PPHLN1: variants seen among roughly 807,000 people sequenced by gnomAD.
PPHLN1 encodes periphilin 1.
PPHLN1 carries 29 observed loss-of-function variants against 51.3 expected under a neutral mutation model. The observed-to-expected ratio is 0.57, with a 90% CI of 0.42 to 0.77. The LOEUF (loss-of-function observed/expected upper bound fraction) is 0.77. Among genes scored for constraint, PPHLN1 ranks in the 30% least tolerant of loss-of-function variants. The probability of loss-of-function intolerance (pLI) is 0.00; values close to 1 mark genes in which losing one functional copy is unlikely to be tolerated. For missense variants in PPHLN1, 436 were observed against 438.4 expected, an observed-to-expected ratio of 0.99 and a Z score of 0.05; for synonymous variants, 147 against 147.8, an observed-to-expected ratio of 0.99 and a Z score of 0.04.
intron 9 of PPHLN1, among the ~76,000 whole-genome samples, chr12:42,435,879 T>C (rs2082435647): frequency 6.6e-6 from 1 of 152,228 alleles, no homozygotes; most frequent in South Asian, 2.1e-4. Context: ...CTCTGCTAAA[T>C]AGAATTGTCT....
chr12:42,416,801 A>G (rs544587857), intron 9 of PPHLN1, among the ~76,000 whole-genome samples: 1 of 152,302 alleles, frequency 6.6e-6, no homozygotes, highest in East Asian at 1.9e-4. Context: ...GATTATATAG[A>G]TTGTATTTTA....
At chr12:42,332,129 A>G (rs2069847448) in intron 1 of PPHLN1, among the ~76,000 whole-genome samples, 1 of 152,142 alleles carries the variant, frequency 6.6e-6, no homozygotes, top group South Asian at 2.1e-4. Context: ...ACTTGAGCCC[A>G]GGAGGTCAAG....
At chr12:42,332,441 AGACTT>A (rs2137708788) in intron 1 of PPHLN1, among the ~76,000 whole-genome samples, 1 of 152,324 alleles carries the variant, frequency 6.6e-6, no homozygotes, top group South Asian at 2.1e-4. Context: ...ATTCTAGACT[AGACTT>A]CTAGGACTAG....
downstream of PPHLN1, chr12:42,446,761 G>A (rs553440340): frequency 6.2e-5 from 67 of 1,079,750 alleles, no homozygotes; most frequent in East Asian, 3.4e-4. Context: ...TTGGAAGGTC[G>A]GGAGGTTTTC....
chr12:42,409,349 G>C lies in PPHLN1; in HGVS notation c.909+10355G>C, dbSNP rs558067821. On this transcript the variant is annotated intron_variant, in intron 9 of 9. Transcript: ENST00000358314. The stretch of plus-strand genomic sequence containing the variant: ...AGATACTGGAGAACTGAAATGTGCA[G>C]GTTGGTGATAATATGCTGTTATATT... Among the ~76,000 whole-genome samples, 4 of 152,248 alleles carry C rather than the reference G, an allele frequency of 2.6e-5. No homozygotes were observed. In the South Asian group the frequency reaches 8.3e-4, roughly 32 times the overall value.
Position 42,435,648 on chromosome 12 carries a change from T to C in PPHLN1, c.910-5667T>C, listed in dbSNP as rs1180187094. Reference sequence around the variant, plus strand: ...TGGTTCCTTGTATATTACGCCCCAATTGGAGTTTCTTTTTTTTAACTTATT... The same window carrying C: ...TGGTTCCTTGTATATTACGCCCCAACTGGAGTTTCTTTTTTTTAACTTATT... On this transcript the variant is annotated intron_variant, in intron 9 of 9. Coordinates refer to ENST00000358314, the MANE Select transcript of PPHLN1 (RefSeq NM_201439.2). 2.0e-5 allele frequency among the ~76,000 whole-genome samples: 3 copies of C among 152,160 alleles called. 1 individual carries two copies. The highest frequency in any genetic ancestry group is 1.3e-4 in the Admixed American group (2 of 15,272).
intron 2 of PPHLN1, among the ~76,000 whole-genome samples, chr12:42,350,946 C>G (rs1179541406): frequency 2.0e-5 from 3 of 151,084 alleles, no homozygotes; most frequent in African/African-American, 7.4e-5. Context: ...CAGAGGGAGA[C>G]CCTGGAAAGC....
chr12:42,444,649 AC>A (rs1026991553), downstream of PPHLN1: 1 of 177,686 alleles, frequency 5.6e-6, no homozygotes, highest in Non-Finnish European at 1.2e-5. Flanking sequence ...CTAGGTTATG[AC>A]CCTGATGTCA....
chr12:42,329,120 G>A (rs1353681696), intron 1 of PPHLN1, among the ~76,000 whole-genome samples: 1 of 141,968 alleles, frequency 7.0e-6, no homozygotes, highest in Non-Finnish European at 1.5e-5. Context: ...GTGTGTGTGT[G>A]TGACGGAGTC....
chr12:42,340,051 A>G (rs1477887882), intron 2 of PPHLN1, among the ~76,000 whole-genome samples: 1 of 152,226 alleles, frequency 6.6e-6, no homozygotes, highest in African/African-American at 2.4e-5. Flanking sequence ...TCTTGCCTAT[A>G]ATCTGAGCAC....
At chr12:42,328,287 G>A (rs1237993211) in intron 1 of PPHLN1, among the ~76,000 whole-genome samples, 1 of 152,182 alleles carries the variant, frequency 6.6e-6, no homozygotes, top group African/African-American at 2.4e-5. Flanking sequence ...TGCTTTTGGA[G>A]AGAATAGAAG....
chr12:42,386,337 C>T (rs562305026), intron 6 of PPHLN1, among the ~76,000 whole-genome samples: 1 of 152,322 alleles, frequency 6.6e-6, no homozygotes, highest in East Asian at 1.9e-4. Context: ...TTAAGAACCA[C>T]TGGGCTAGAG....
chr12:42,393,238 A>G lies in PPHLN1; in HGVS notation c.649-332A>G, dbSNP rs148488582. On this transcript the variant is annotated intron_variant, in intron 7 of 9. Coordinates refer to ENST00000358314, the MANE Select transcript of PPHLN1 (RefSeq NM_201439.2). ...TTTCATTAAATATGCTTAAAGGCAC[A>G]AAGTTGAAATCAGTATGATGTCTTT... is the stretch of plus-strand genomic sequence containing the variant. Among the ~76,000 whole-genome samples the G allele has an allele frequency of 3.9e-5, 6 of 152,326 alleles. No individual in the cohort carries two copies. The East Asian group carries it at 7.7e-4, about 20-fold the overall frequency.
intron 2 of PPHLN1, among the ~76,000 whole-genome samples, chr12:42,351,652 C>T (rs1241227349): frequency 2.0e-5 from 3 of 152,094 alleles, no homozygotes; most frequent in African/African-American, 7.2e-5. Context: ...GATTGGTTTT[C>T]GCATTGCTGC....
rs896903613 is a variant in PPHLN1, at chr12:42,438,711, C to T, written c.910-2604C>T. 2.0e-5 allele frequency among the ~76,000 whole-genome samples: 3 copies of T among 152,304 alleles called. No homozygotes were observed. The East Asian group carries it at 5.8e-4, about 29-fold the overall frequency. ...CTGCCTCCCAGGTTCAGGTGATTCTCCTGCCTCAGTCTCCCGAGTAGCTGG... is the reference window on the plus strand; with the variant it reads ...CTGCCTCCCAGGTTCAGGTGATTCTTCTGCCTCAGTCTCCCGAGTAGCTGG... On this transcript the variant is annotated intron_variant, in intron 9 of 9. Coordinates refer to ENST00000358314, the MANE Select transcript of PPHLN1 (RefSeq NM_201439.2).
At chr12:42,333,854 T>C (rs1463487655) in intron 1 of PPHLN1, among the ~76,000 whole-genome samples, 1 of 152,228 alleles carries the variant, frequency 6.6e-6, no homozygotes, top group Non-Finnish European at 1.5e-5. Context: ...TTGCAGAGCT[T>C]TTGGATGAAA....
Position 42,441,630 on chromosome 12 carries a change from C to T in PPHLN1, c.*121C>T, listed in dbSNP as rs923363818. The stretch of plus-strand genomic sequence containing the variant: ...CAGAGAAATACTTTATGATAGTTGA[C>T]AACATTTCAGTATTAAATAAACATC... On this transcript the variant is annotated 3_prime_UTR_variant, in exon 10 of 10. Transcript: ENST00000358314. 3 of 1,323,576 alleles carry T rather than the reference C, an allele frequency of 2.3e-6. No homozygotes were observed. The highest frequency in any genetic ancestry group is 2.9e-6 in the Non-Finnish European group (3 of 1,024,272). The allele number at this position is 1,323,576 out of a possible 1,614,324, so 82.0% of individuals were successfully genotyped here.
chr12:42,406,075 A>G (rs2079267036), intron 9 of PPHLN1, among the ~76,000 whole-genome samples: 1 of 145,206 alleles, frequency 6.9e-6, no homozygotes, highest in African/African-American at 2.5e-5. Context: ...TTAACATTAT[A>G]GTTTAGTCTG....
intron 1 of PPHLN1, among the ~76,000 whole-genome samples, chr12:42,328,585 A>G (rs890339569): frequency 2.0e-5 from 3 of 152,380 alleles, no homozygotes; most frequent in Middle Eastern, 6.8e-3. Context: ...TAATTGATCA[A>G]TTATAATGGA....
Sources: gnomAD v4.1 joint callset for allele counts (sites outside exome capture counted in the v4.1 genomes callset) on GRCh38, gnomAD v4.1.1 for gene constraint, MANE v1.5 for transcripts, NCBI Gene and HGNC (gene_info 2026-07-23, HGNC 2026-07-21) for gene names.